ACVRL1: variants seen among roughly 807,000 people sequenced by gnomAD.
The protein encoded by ACVRL1 is activin receptor type-1-like.
A neutral mutation model predicts 51.9 loss-of-function variants in ACVRL1; 20 were observed. The ratio of observed to expected loss-of-function variants is 0.39; its 90% CI spans 0.27 to 0.56. ACVRL1 has a LOEUF of 0.56. Among genes scored for constraint, ACVRL1 ranks in the 20% least tolerant of loss-of-function variants. ACVRL1 has a pLI of 0.67. For synonymous variants in ACVRL1, 288 were observed against 280.9 expected (o/e 1.03, Z -0.25); for missense variants, 451 against 670.3 (o/e 0.67, Z 3.61).
chr12:51,914,047 G>A lies in ACVRL1; in HGVS notation c.599G>A (p.Arg200Gln), dbSNP rs1018788708. 7.4e-6 allele frequency: 12 copies of A among 1,613,722 alleles called. No individual in the cohort carries two copies. Among genetic ancestry groups the A allele is most frequent in the Non-Finnish European group, 1.0e-5 (12 of 1,179,884 alleles). Residue 200 changes from arginine to glutamine, a missense_variant, in exon 5 of 10, where the codon CGG (arginine) becomes CAG (glutamine). Arg to Gln is a conservative substitution (Grantham distance 43, BLOSUM62 1). This residue lies in a region of ACVRL1 where 259 missense variants were observed against 453.4 expected (regional missense o/e 0.57). Transcript: ENST00000388922. ...TTCCTGGTGCAGAGGACAGTGGCAC[G>A]GCAGGTTGCCTTGGTGGAGTGTGTG... ...LPFLVQRTVA[R>Q]QVALVECVGK...
At chr12:51,909,519 C>T (rs113670083) in intron 1 of ACVRL1, among the ~76,000 whole-genome samples, 1,687 of 152,028 alleles carry the variant, frequency 0.011, 37 homozygotes, top group African/African-American at 0.038. Context: ...CAAACAAAAA[C>T]GCTGTCTTCA....
chr12:51,918,132 G>T (rs1364131794), intron 8 of ACVRL1, among the ~76,000 whole-genome samples: 1 of 152,238 alleles, frequency 6.6e-6, no homozygotes. Flanking sequence ...CACCGGCATT[G>T]TTTTCAGAAA....
rs1940874733 is a variant in ACVRL1, at chr12:51,917,809, T to G, written c.1247-1176T>G. ...GAAGCCAAGGCTCCTTGGACCAGGC[T>G]GCAGGGCAGAAAGGAAAGGCTGGGA... On this transcript the variant is annotated intron_variant, in intron 8 of 9. Transcript: ENST00000388922. The surrounding 1 kb of genome is among the most constrained non-coding windows in gnomAD (Gnocchi z 4.2). Among the ~76,000 whole-genome samples the G allele has an allele frequency of 6.6e-6, 1 of 152,092 alleles. No homozygotes were observed. The highest frequency in any genetic ancestry group is 2.4e-5 in the African/African-American group (1 of 41,414).
rs146188863 is a variant in ACVRL1 at position 51,915,292 on chromosome 12, C to T, written c.840C>T (p.His280=). 6.8e-6 allele frequency: 11 copies of T among 1,614,088 alleles called. No individual in the cohort carries two copies. The African/African-American group carries it at 1.1e-4, about 16-fold the overall frequency. The stretch of plus-strand genomic sequence containing the variant: ...AGCTGTGGCTCATCACGCACTACCA[C>T]GAGCACGGCTCCCTCTACGACTTTC... ...STQLWLITHY[H]EHGSLYDFLQ... Residue 280 remains histidine (H), a synonymous_variant, in exon 7 of 10, where the codon CAC becomes CAT. Coordinates refer to ENST00000388922, the MANE Select transcript of ACVRL1 (RefSeq NM_000020.3).
chr12:51,911,072 C>T (rs1286670933), intron 1 of ACVRL1, among the ~76,000 whole-genome samples: 1 of 152,266 alleles, frequency 6.6e-6, no homozygotes, highest in East Asian at 1.9e-4. Context: ...CTCACCATGT[C>T]ATGCCAAAGG....
chr12:51,921,806 C>T lies in ACVRL1; in HGVS notation c.*913C>T, dbSNP rs75074181. 18,994 of 151,944 alleles carry T rather than the reference C, an allele frequency of 0.13. 1,472 individuals are homozygous for T. The highest frequency in any genetic ancestry group is 0.22 in the African/African-American group (9,236 of 41,348). The allele number at this position is 151,944 out of a possible 1,614,324, so 9.4% of individuals were successfully genotyped here. A position where few individuals can be genotyped will look rare whatever the true frequency, so the allele number is the denominator to read the frequency against. On this transcript the variant is annotated 3_prime_UTR_variant, in exon 10 of 10. Transcript: ENST00000388922. ...AGAGTGCAATGGCATGATCCCAGCT[C>T]ACCGCAACGTCTACCTCCCAGGTTC... is the stretch of plus-strand genomic sequence containing the variant.
rs375076574 is a variant in ACVRL1, at chr12:51,910,524, G to A, written c.-5-1946G>A. 1.6e-4 allele frequency among the ~76,000 whole-genome samples: 24 copies of A among 152,326 alleles called. 1 individual carries two copies. In the East Asian group the frequency reaches 4.1e-3, roughly 26 times the overall value. Reference sequence around the variant, plus strand: ...TCTGATGCGTGATAAAGTAGAAGGAGGGTGGACTGGGGCACGGCCAGAGAA... The same window carrying A: ...TCTGATGCGTGATAAAGTAGAAGGAAGGTGGACTGGGGCACGGCCAGAGAA... On this transcript the variant is annotated intron_variant, in intron 1 of 9. Transcript: ENST00000388922.
At chr12:51,919,546 C>T (rs1451849134) in intron 9 of ACVRL1, among the ~76,000 whole-genome samples, 1 of 152,112 alleles carries the variant, frequency 6.6e-6, no homozygotes, top group Admixed American at 6.5e-5. Flanking sequence ...GTGCACACCA[C>T]CACACCTGGC....
chr12:51,913,985 C>T lies in ACVRL1; in HGVS notation c.537C>T (p.Asp179=). 1 of 1,613,574 alleles carries T rather than the reference C, an allele frequency of 6.2e-7. No homozygotes were observed. Among genetic ancestry groups the T allele is most frequent in the Non-Finnish European group, 8.5e-7 (1 of 1,179,766 alleles). Residue 179 remains aspartate (D), a synonymous_variant, in exon 5 of 10, where the codon GAC becomes GAT. Transcript: ENST00000388922. ...CTCCGTACCCCCAGGACCTCCTGGA[C>T]AGTGACTGCACCACAGGGAGTGGCT... ...QGDSMLGDLL[D]SDCTTGSGSG...
upstream of ACVRL1, among the ~76,000 whole-genome samples, chr12:51,907,153 C>G (rs550122766): frequency 4.6e-3 from 697 of 152,206 alleles, 9 homozygotes; most frequent in African/African-American, 0.016. This position sits in a 1 kb window ranked among gnomAD's most constrained non-coding sequence, Gnocchi z 4.5. Context: ...CCTACAGTCT[C>G]GGCTCTGTCT....
chr12:51,908,815 C>T (rs1166606553), intron 1 of ACVRL1, among the ~76,000 whole-genome samples: 1 of 152,214 alleles, frequency 6.6e-6, no homozygotes, highest in Non-Finnish European at 1.5e-5. Flanking sequence ...TTTCATACCT[C>T]TAAGTGGCAA....
chr12:51,909,995 C>G (rs1176167478), intron 1 of ACVRL1, among the ~76,000 whole-genome samples: 1 of 152,222 alleles, frequency 6.6e-6, no homozygotes, highest in Non-Finnish European at 1.5e-5. Flanking sequence ...CCCCAGGAGT[C>G]TGTCTGTGCT....
intron 1 of ACVRL1, among the ~76,000 whole-genome samples, chr12:51,908,373 TCTCA>T (rs1940634378): frequency 1.3e-5 from 2 of 152,174 alleles, no homozygotes; most frequent in Admixed American, 1.3e-4. Flanking sequence ...GGACAGTTGC[TCTCA>T]CTCTCTCTAT....
chr12:51,915,934 C>T, intron 7 of ACVRL1, 102 bp from the exon 8 acceptor site: 2 of 1,329,500 alleles, frequency 1.5e-6, no homozygotes, highest in East Asian at 2.3e-5. Context: ...CTCCATCTGC[C>T]TTCCCCTCTC....
rs751873489 is a variant in ACVRL1 at position 51,919,099 on chromosome 12, G to C, written c.1361G>C (p.Arg454Pro). ...VDQQTPTIPN[R>P]LAADPVLSGL... The stretch of plus-strand genomic sequence containing the variant: ...CAGCAGACCCCCACCATCCCTAACC[G>C]GCTGGCTGCAGACCCGGTGAGGCCT... Residue 454 changes from arginine (R) to proline (P), a missense_variant, in exon 9 of 10, where the codon CGG becomes CCG. This residue lies in a region of ACVRL1 where 259 missense variants were observed against 453.4 expected (regional missense o/e 0.57). Coordinates refer to ENST00000388922, the MANE Select transcript of ACVRL1 (RefSeq NM_000020.3). 6.2e-7 allele frequency: 1 copy of C among 1,613,896 alleles called. No individual in the cohort carries two copies. The highest frequency in any genetic ancestry group is 1.3e-5 in the African/African-American group (1 of 74,842).
rs1592228549 is a variant in ACVRL1, at chr12:51,920,946, C to T, written c.*53C>T. On this transcript the variant is annotated 3_prime_UTR_variant, in exon 10 of 10. Coordinates refer to ENST00000388922, the MANE Select transcript of ACVRL1 (RefSeq NM_000020.3). ...TGCAGGGGGCTGGGGGGGTGGGGGG[C>T]AGTGGATGGTGCCCTATCTGGGTAG... 1 of 1,337,968 alleles carries T rather than the reference C, an allele frequency of 7.5e-7. No homozygotes were observed. Among genetic ancestry groups the T allele is most frequent in the Non-Finnish European group, 1.0e-6 (1 of 969,304 alleles). 82.9% of individuals were successfully genotyped at this position (1,337,968 alleles called of 1,614,324 possible).
At position 51,915,219 on chromosome 12, in the gene ACVRL1, A is replaced by G. The variant is rs372753267; in HGVS notation, c.773-6A>G. On this transcript the variant is annotated splice_region_variant and splice_polypyrimidine_tract_variant and intron_variant, in intron 6 of 9. Transcript: ENST00000388922. ...TGGCTGAGTCACCCAACCTTTCTGC[A>G]CACAGGCTTCATCGCCTCAGACATG... 2.5e-6 allele frequency: 4 copies of G among 1,613,596 alleles called. No homozygotes were observed. The African/African-American group carries it at 5.3e-5, about 22-fold the overall frequency.
rs1421005412 is a variant in ACVRL1, at chr12:51,914,554, C to T, written c.741C>T (p.Asn247=). Residue 247 remains asparagine (N), a synonymous_variant, in exon 6 of 10, where the codon AAC becomes AAT. Transcript: ENST00000388922. The part of the protein sequence containing the change: ...QSWFRETEIY[N]TVLLRHDNIL... ...GGTTCCGGGAGACTGAGATCTATAA[C>T]ACAGTGTTGCTCAGACACGACAACA... 6.2e-7 allele frequency: 1 copy of T among 1,613,884 alleles called. No homozygotes were observed. The highest frequency in any genetic ancestry group is 8.5e-7 in the Non-Finnish European group (1 of 1,179,920).
intron 1 of ACVRL1, 47 bp from the exon 2 acceptor site, chr12:51,912,423 G>A (rs775000767): frequency 1.2e-6 from 2 of 1,603,204 alleles, no homozygotes; most frequent in Non-Finnish European, 8.5e-7. Flanking sequence ...GCCAGCGGCT[G>A]TCACACTTCA....
Sources: allele counts gnomAD v4.1 joint callset (sites outside exome capture counted in the v4.1 genomes callset), GRCh38; gene constraint gnomAD v4.1.1; regional missense constraint gnomAD v4.1.1; non-coding constraint Gnocchi (gnomAD v3.1); transcripts MANE v1.5; gene names NCBI Gene and HGNC (gene_info 2026-07-23, HGNC 2026-07-21).